Variants in TRAPPC8 observed in about 807,000 individuals in gnomAD.
TRAPPC8 encodes the protein trafficking protein particle complex subunit 8.
Under a neutral mutation model 174.3 loss-of-function variants are expected in TRAPPC8, and 54 were observed. That is an observed-to-expected ratio of 0.31 (90% CI 0.25 to 0.39). The LOEUF is 0.39. TRAPPC8 is among the 10% of genes least tolerant of loss of function. The pLI is 1.00. For synonymous variants in TRAPPC8, 630 were observed against 579.9 expected, an observed-to-expected ratio of 1.09 and a Z score of -1.24; for missense variants, 1,531 against 1,699.1, an observed-to-expected ratio of 0.90 and a Z score of 1.74.
At chr18:31,882,631 T>G (rs2035509735) in intron 12 of TRAPPC8, among the ~76,000 whole-genome samples, 1 of 152,012 alleles carries the variant, frequency 6.6e-6, no homozygotes, top group African/African-American at 2.4e-5. Flanking sequence ...TTTTTATTTT[T>G]TTCGAGACAG....
At chr18:31,930,323 T>C (rs2037795803) in intron 2 of TRAPPC8, among the ~76,000 whole-genome samples, 1 of 152,066 alleles carries the variant, frequency 6.6e-6, no homozygotes, top group South Asian at 2.1e-4. Flanking sequence ...TTTCACTATG[T>C]TGGTCAGGCT....
In TRAPPC8 at chr18:31,873,801, A is replaced by T. The variant is rs1027331386; in HGVS notation, c.1954-263T>A. 4 of 330,898 alleles carry T rather than the reference A, an allele frequency of 1.2e-5. No individual in the cohort carries two copies. The East Asian group carries it at 2.6e-4, about 22-fold the overall frequency. 20.5% of individuals were successfully genotyped at this position (330,898 alleles called of 1,614,324 possible). The stretch of plus-strand genomic sequence containing the variant: ...TAAATATGCAAAACTTATTTTAGTA[A>T]GCGTTTTACTTCTTATGACTCATTA... On this transcript the variant is annotated intron_variant, in intron 13 of 28. Coordinates refer to ENST00000283351, the MANE Select transcript of TRAPPC8 (RefSeq NM_014939.5).
intron 27 of TRAPPC8, among the ~76,000 whole-genome samples, chr18:31,835,993 G>C (rs2032693292): frequency 6.6e-6 from 1 of 152,152 alleles, no homozygotes; most frequent in Admixed American, 6.5e-5. Flanking sequence ...ACAGACCAAA[G>C]CACAGCTTCG....
chr18:31,880,081 GA>G (rs749972515), intron 12 of TRAPPC8, among the ~76,000 whole-genome samples: 31 of 52,734 alleles, frequency 5.9e-4, no homozygotes, highest in South Asian at 5.0e-3. Context: ...TGAAACTATT[GA>G]AAAAAAAAAT....
At chr18:31,901,233 G>A (rs752908212) in intron 9 of TRAPPC8, among the ~76,000 whole-genome samples, 2 of 148,214 alleles carry the variant, frequency 1.3e-5, no homozygotes, top group African/African-American at 2.5e-5. Flanking sequence ...TGGAAGGACT[G>A]AAGTCAGAGA....
chr18:31,835,540 T>G (rs1327822583), intron 27 of TRAPPC8, among the ~76,000 whole-genome samples: 1 of 152,192 alleles, frequency 6.6e-6, no homozygotes, highest in African/African-American at 2.4e-5. Context: ...CCCATCACAT[T>G]AGACAACTAT....
At chr18:31,888,049 A>C (rs62095546) in intron 12 of TRAPPC8, among the ~76,000 whole-genome samples, 38,071 of 151,954 alleles carry the variant, frequency 0.25, 5,302 homozygotes, top group South Asian at 0.52. Flanking sequence ...GTTCCTACAC[A>C]TCAACAACAG....
At chr18:31,937,057 AC>A (rs1568160127) in intron 1 of TRAPPC8, among the ~76,000 whole-genome samples, 1 of 151,208 alleles carries the variant, frequency 6.6e-6, no homozygotes. Flanking sequence ...CTAAAAAAAC[AC>A]AAAAAATTAG....
intron 12 of TRAPPC8, 77 bp downstream of exon 12, chr18:31,890,658 T>C (rs547606971): frequency 6.6e-7 from 1 of 1,512,516 alleles, no homozygotes; most frequent in East Asian, 2.4e-5. Context: ...AGATCCTTTT[T>C]AAATAATAAA....
chr18:31,891,104 T>C lies in TRAPPC8; in HGVS notation c.1597-238A>G, dbSNP rs149696859. Reference sequence around the variant, plus strand: ...TACTTAGCTTTTCATAAAAGCCACATGTCTGGTTATGATATGTGCCATGTA... The same window carrying C: ...TACTTAGCTTTTCATAAAAGCCACACGTCTGGTTATGATATGTGCCATGTA... On this transcript the variant is annotated intron_variant, in intron 11 of 28. Transcript: ENST00000283351. 108 of 244,972 alleles carry C rather than the reference T, an allele frequency of 4.4e-4. 1 individual carries two copies. The East Asian group carries it at 9.4e-3, about 21-fold the overall frequency. 15.2% of individuals were successfully genotyped at this position (244,972 alleles called of 1,614,324 possible).
At chr18:31,854,121 A>G (rs2033866992) in intron 21 of TRAPPC8, among the ~76,000 whole-genome samples, 176 bp from the exon 22 acceptor site, 1 of 152,222 alleles carries the variant, frequency 6.6e-6, no homozygotes, top group African/African-American at 2.4e-5. Context: ...TTTCAGAGAC[A>G]TCAACATTTT....
At chr18:31,904,960 G>A (rs772738727) in intron 9 of TRAPPC8, among the ~76,000 whole-genome samples, 39 of 151,596 alleles carry the variant, frequency 2.6e-4, no homozygotes, top group Non-Finnish European at 4.3e-4. Flanking sequence ...AACCCAGGAG[G>A]TGGAGGATGC....
intron 4 of TRAPPC8, among the ~76,000 whole-genome samples, chr18:31,914,539 C>A (rs1268101749): frequency 6.6e-6 from 1 of 152,152 alleles, no homozygotes; most frequent in African/African-American, 2.4e-5. Context: ...AGTAGTACAC[C>A]TTATCCAACG....
chr18:31,837,992 CAG>C (rs2032861703), intron 27 of TRAPPC8, among the ~76,000 whole-genome samples: 1 of 144,394 alleles, frequency 6.9e-6, no homozygotes. Context: ...AAAAGAGAGA[CAG>C]GGTCTTGCTG....
intron 9 of TRAPPC8, among the ~76,000 whole-genome samples, chr18:31,903,715 GATCAT>G (rs2036541960): frequency 6.6e-6 from 1 of 152,046 alleles, no homozygotes; most frequent in Non-Finnish European, 1.5e-5. Context: ...CAATTTCCTA[GATCAT>G]ATTTCATTTT....
At chr18:31,941,114 ATAAAAG>A (rs2038317463) in intron 1 of TRAPPC8, among the ~76,000 whole-genome samples, 1 of 152,214 alleles carries the variant, frequency 6.6e-6, no homozygotes, top group African/African-American at 2.4e-5. Flanking sequence ...GAGTACACAT[ATAAAAG>A]TAAAACTAGC....
intron 9 of TRAPPC8, among the ~76,000 whole-genome samples, chr18:31,902,565 C>T (rs2036477921): frequency 6.6e-6 from 1 of 152,138 alleles, no homozygotes; most frequent in South Asian, 2.1e-4. Context: ...ACTCCATGGG[C>T]CTCTGATATG....
chr18:31,832,927 T>C (rs984735439), intron 27 of TRAPPC8, among the ~76,000 whole-genome samples: 34 of 152,328 alleles, frequency 2.2e-4, no homozygotes, highest in African/African-American at 7.9e-4. Flanking sequence ...TTCATACACA[T>C]TAACTTTTAA....
intron 26 of TRAPPC8, 43 bp from the exon 27 acceptor site, chr18:31,839,500 C>T (rs1216080356): frequency 2.0e-6 from 3 of 1,502,566 alleles, no homozygotes; most frequent in Non-Finnish European, 2.7e-6. Context: ...AAAACACTAC[C>T]TTGTTTAAAA....
Sources: gnomAD v4.1 joint callset for allele counts (sites outside exome capture counted in the v4.1 genomes callset) on GRCh38, gnomAD v4.1.1 for gene constraint, MANE v1.5 for transcripts, NCBI Gene and HGNC (gene_info 2026-07-23, HGNC 2026-07-21) for gene names.